Variants in PLXDC2 observed in about 807,000 individuals in gnomAD.
PLXDC2 encodes the protein plexin domain containing 2.
A neutral mutation model predicts 68.9 loss-of-function variants in PLXDC2; 40 were observed. The ratio of observed to expected loss-of-function variants is 0.58; its 90% confidence interval spans 0.45 to 0.76. The LOEUF is 0.76. Among genes scored for constraint, PLXDC2 ranks in the 30% least tolerant of loss-of-function variants. PLXDC2 has a pLI of 0.00. For missense variants in PLXDC2, 644 were observed against 661.9 expected (o/e 0.97, Z 0.30); for synonymous variants, 243 against 234.2 (o/e 1.04, Z -0.34).
chr10:19,938,430 C>T (rs760588741), intron 1 of PLXDC2, among the ~76,000 whole-genome samples: 1 of 152,126 alleles, frequency 6.6e-6, no homozygotes, highest in Non-Finnish European at 1.5e-5. Flanking sequence ...TCTGGGTAGG[C>T]CTCAGGGAGG....
At chr10:20,004,025 A>G (rs1834984176) in intron 2 of PLXDC2, among the ~76,000 whole-genome samples, 1 of 152,192 alleles carries the variant, frequency 6.6e-6, no homozygotes, top group African/African-American at 2.4e-5. Flanking sequence ...ATGATTTTTA[A>G]GAACCAGGCA....
chr10:19,890,425 C>T (rs1837934035), intron 1 of PLXDC2, among the ~76,000 whole-genome samples: 1 of 151,998 alleles, frequency 6.6e-6, no homozygotes, highest in Admixed American at 6.6e-5. Context: ...TAGTGGTCCT[C>T]AGTGCCTATT....
intron 13 of PLXDC2, among the ~76,000 whole-genome samples, chr10:20,247,386 AG>A (rs1390675333): frequency 6.6e-6 from 1 of 151,724 alleles, no homozygotes; most frequent in African/African-American, 2.4e-5. Context: ...CTGAAATGGT[AG>A]GATTGCTTGA....
chr10:20,111,128 T>C (rs1833555178), intron 4 of PLXDC2, among the ~76,000 whole-genome samples: 1 of 152,228 alleles, frequency 6.6e-6, no homozygotes, highest in Non-Finnish European at 1.5e-5. Context: ...GATGGGGTTA[T>C]GATGACAGAT....
intron 1 of PLXDC2, among the ~76,000 whole-genome samples, chr10:19,973,576 T>G (rs995606244): frequency 3.3e-5 from 5 of 152,160 alleles, no homozygotes; most frequent in Non-Finnish European, 7.3e-5. Flanking sequence ...AAAAATTGCT[T>G]TGGTAGACCC....
intron 1 of PLXDC2, among the ~76,000 whole-genome samples, chr10:19,964,002 T>C (rs969118063): frequency 3.3e-5 from 5 of 152,176 alleles, no homozygotes; most frequent in African/African-American, 4.8e-5. Context: ...AAATTCATTA[T>C]TGGGAAAAAT....
intron 4 of PLXDC2, among the ~76,000 whole-genome samples, chr10:20,076,393 C>G (rs559285261): frequency 1.8e-4 from 27 of 152,302 alleles, no homozygotes; most frequent in African/African-American, 6.5e-4. Flanking sequence ...CAGCAAATGA[C>G]TTAATCTCTC....
intron 4 of PLXDC2, among the ~76,000 whole-genome samples, chr10:20,120,957 G>C (rs1833689253): frequency 6.6e-6 from 1 of 152,154 alleles, no homozygotes; most frequent in African/African-American, 2.4e-5. Context: ...CAGGAAAGAA[G>C]GAAATACGGG....
At chr10:20,048,692 A>G (rs987370339) in intron 3 of PLXDC2, among the ~76,000 whole-genome samples, 2 of 152,076 alleles carry the variant, frequency 1.3e-5, no homozygotes. Context: ...TTCCTCAGTT[A>G]AAGTATTAGC....
chr10:19,930,911 C>T (rs781201841), intron 1 of PLXDC2, among the ~76,000 whole-genome samples: 1 of 151,922 alleles, frequency 6.6e-6, no homozygotes. Context: ...TTGCAGTGAA[C>T]CAAGATCACA....
chr10:20,060,523 G>A lies in PLXDC2; in HGVS notation c.472-7647G>A, dbSNP rs115297979. ...AAAAAAAAAAAAAGTCATTGAGGCT[G>A]GGCTGGTCGCTGGGCGAGCAGGGGC... On this transcript the variant is annotated intron_variant, in intron 3 of 13. Transcript: ENST00000377252. 7.7e-3 allele frequency among the ~76,000 whole-genome samples: 1,154 copies of A among 150,670 alleles called. 13 individuals carry two copies. The highest frequency in any genetic ancestry group is 0.026 in the African/African-American group (1,086 of 41,026).
intron 9 of PLXDC2, among the ~76,000 whole-genome samples, chr10:20,190,097 A>G (rs1374437725): frequency 6.6e-6 from 1 of 151,870 alleles, no homozygotes; most frequent in Non-Finnish European, 1.5e-5. Context: ...AGCATTACAT[A>G]TGTTTATAAT....
intron 4 of PLXDC2, among the ~76,000 whole-genome samples, chr10:20,090,337 C>A (rs1833259608): frequency 6.6e-6 from 1 of 152,122 alleles, no homozygotes; most frequent in Non-Finnish European, 1.5e-5. Context: ...TGTTCACCAG[C>A]AACATCTGAA....
chr10:19,831,214 T>C (rs1836685391), intron 1 of PLXDC2, among the ~76,000 whole-genome samples: 1 of 152,190 alleles, frequency 6.6e-6, no homozygotes, highest in African/African-American at 2.4e-5. Flanking sequence ...TTCTTTCTTC[T>C]CTGTTGGTTT....
At chr10:19,939,960 C>T (rs867038166) in intron 1 of PLXDC2, among the ~76,000 whole-genome samples, 2 of 151,796 alleles carry the variant, frequency 1.3e-5, no homozygotes, top group African/African-American at 2.4e-5. Context: ...AAGAAGGGAA[C>T]GAATTCCATT....
intron 4 of PLXDC2, among the ~76,000 whole-genome samples, chr10:20,116,366 C>T (rs892478357): frequency 6.6e-6 from 1 of 152,262 alleles, no homozygotes; most frequent in South Asian, 2.1e-4. Context: ...TATTACTTAT[C>T]TGTTCTCGGG....
intron 1 of PLXDC2, among the ~76,000 whole-genome samples, chr10:19,911,224 A>G (rs561669967): frequency 6.6e-6 from 1 of 151,934 alleles, no homozygotes; most frequent in Admixed American, 6.6e-5. Flanking sequence ...TAGGCCAGAA[A>G]CATGAAAGGA....
At chr10:20,088,224 G>C (rs1403732371) in intron 4 of PLXDC2, among the ~76,000 whole-genome samples, 3 of 152,072 alleles carry the variant, frequency 2.0e-5, no homozygotes, top group African/African-American at 7.2e-5. Context: ...TCCTAATGCT[G>C]CAATTTCTGT....
Position 20,130,214 on chromosome 10 carries a change from G to A in PLXDC2, c.542-13081G>A, listed in dbSNP as rs558969048. Among the ~76,000 whole-genome samples the A allele has an allele frequency of 1.2e-4, 18 of 151,736 alleles. No individual in the cohort carries two copies. In the East Asian group the frequency reaches 2.5e-3, roughly 21 times the overall value. ...TTCTTTCACCAATGCTTCAGTTTAC[G>A]GATCTTTTATCTCTTTGGATAAAAT... is the stretch of plus-strand genomic sequence containing the variant. On this transcript the variant is annotated intron_variant, in intron 4 of 13. Transcript: ENST00000377252.
Sources: allele counts gnomAD v4.1 joint callset (sites outside exome capture counted in the v4.1 genomes callset), GRCh38; gene constraint gnomAD v4.1.1; transcripts MANE v1.5; gene names NCBI Gene and HGNC (gene_info 2026-07-23, HGNC 2026-07-21).